EFEMP1: variants seen among roughly 807,000 people sequenced by gnomAD.
EFEMP1 encodes the protein EGF-like fibulin extracellular matrix protein 1, also known as EGF-containing fibulin-like extracellular matrix protein 1.
A neutral mutation model predicts 65.7 loss-of-function variants in EFEMP1; 18 were observed. The observed-to-expected ratio is 0.27, with a 90% confidence interval of 0.19 to 0.41. The LOEUF (loss-of-function observed/expected upper bound fraction) is 0.41. Among genes scored for constraint, EFEMP1 ranks in the 10% least tolerant of loss-of-function variants. The pLI is 1.00. For missense variants in EFEMP1, 469 were observed against 624.8 expected, an observed-to-expected ratio of 0.75 and a Z score of 2.66; for synonymous variants, 237 against 219.7, an observed-to-expected ratio of 1.08 and a Z score of -0.70.
At chr2:55,900,188 G>A (rs972990838) in intron 5 of EFEMP1, among the ~76,000 whole-genome samples, 9 of 152,124 alleles carry the variant, frequency 5.9e-5, no homozygotes, top group Non-Finnish European at 1.2e-4. Flanking sequence ...AATTTAGTGG[G>A]GCTACTTATG....
At chr2:55,895,074 T>A (rs1356909860) in intron 5 of EFEMP1, among the ~76,000 whole-genome samples, 1 of 152,230 alleles carries the variant, frequency 6.6e-6, no homozygotes, top group Non-Finnish European at 1.5e-5. Flanking sequence ...ACACTGCTTC[T>A]TGGGCAGCTT....
chr2:55,907,531 A>G (rs945060466), intron 5 of EFEMP1, among the ~76,000 whole-genome samples: 2 of 152,242 alleles, frequency 1.3e-5, no homozygotes, highest in South Asian at 2.1e-4. Flanking sequence ...TCATTCTGGT[A>G]TATTAGAAAA....
At chr2:55,891,691 T>C (rs964920471) in intron 5 of EFEMP1, among the ~76,000 whole-genome samples, 1 of 152,120 alleles carries the variant, frequency 6.6e-6, no homozygotes, top group Non-Finnish European at 1.5e-5. Context: ...TCCTTCTCTC[T>C]TCCTTGAGCA....
At chr2:55,894,318 C>T (rs1016235946) in intron 5 of EFEMP1, among the ~76,000 whole-genome samples, 11 of 152,052 alleles carry the variant, frequency 7.2e-5, no homozygotes, top group Admixed American at 3.9e-4. Context: ...ATTGTGGTCA[C>T]CATCTTTCAA....
intron 9 of EFEMP1, among the ~76,000 whole-genome samples, chr2:55,874,604 T>C (rs1668951396): frequency 6.6e-6 from 1 of 152,116 alleles, no homozygotes; most frequent in African/African-American, 2.4e-5. Flanking sequence ...ATATTGAGCT[T>C]ATGCTCTAAA....
chr2:55,882,626 T>C (rs529459885), intron 5 of EFEMP1, among the ~76,000 whole-genome samples: 20 of 152,280 alleles, frequency 1.3e-4, no homozygotes, highest in Middle Eastern at 3.4e-3. Context: ...ATCACTTTTA[T>C]ATTCATTCGG....
At position 55,923,758 on chromosome 2, in the gene EFEMP1, C is replaced by T. The variant is rs1671004680; in HGVS notation, c.-96G>A. On this transcript the variant is annotated 5_prime_UTR_variant, in exon 1 of 12. Coordinates refer to ENST00000355426, the MANE Select transcript of EFEMP1 (RefSeq NM_001039348.3). The surrounding 1 kb of genome is among the most constrained non-coding windows in gnomAD (Gnocchi z 5.3). ...GGGCCCGGGCAGCGAGGGGAGTGCG[C>T]AGGGGAGGGCAGCCCCGTGGGTCTG... 1.0e-6 allele frequency: 1 copy of T among 985,996 alleles called. No individual in the cohort carries two copies. The highest frequency in any genetic ancestry group is 1.2e-6 in the Non-Finnish European group (1 of 830,454). 61.1% of individuals were successfully genotyped at this position (985,996 alleles called of 1,614,324 possible).
chr2:55,882,157 T>C (rs1446469440), intron 5 of EFEMP1, among the ~76,000 whole-genome samples: 3 of 152,204 alleles, frequency 2.0e-5, no homozygotes, highest in African/African-American at 7.2e-5. Context: ...AAAATTTTAA[T>C]AGATTGTATG....
rs1017148131 is a variant in EFEMP1 at position 55,873,047 on chromosome 2, T to C, written c.1000+1899A>G. ...GTGTCTATGTGTATGTGTATTCTTT[T>C]GTCTCTCTGTCTCTCTCTCCACACA... On this transcript the variant is annotated intron_variant, in intron 9 of 11. Coordinates refer to ENST00000355426, the MANE Select transcript of EFEMP1 (RefSeq NM_001039348.3). The surrounding 1 kb of genome is among the most constrained non-coding windows in gnomAD (Gnocchi z 4.6). Among the ~76,000 whole-genome samples, 1 of 132,184 alleles carries C rather than the reference T, an allele frequency of 7.6e-6. No individual in the cohort carries two copies. The highest frequency in any genetic ancestry group is 2.9e-5 in the African/African-American group (1 of 34,408). The allele number at this position is 132,184 out of a possible 152,430, so 86.7% of individuals were successfully genotyped here. A position where few individuals can be genotyped will look rare whatever the true frequency, so the allele number is the denominator to read the frequency against.
Position 55,922,213 on chromosome 2 carries a change from C to T in EFEMP1, c.81+147G>A, listed in dbSNP as rs1225661857. On this transcript the variant is annotated intron_variant, in intron 3 of 11. Transcript: ENST00000355426. The surrounding 1 kb of genome is among the most constrained non-coding windows in gnomAD (Gnocchi z 5.5). ...ATCAAGGGGGCAATTTACAACGAAT[C>T]TTAGATATGAAGCATGAATGAAGTG... is the stretch of plus-strand genomic sequence containing the variant. The T allele has an allele frequency of 2.6e-6, 2 of 781,774 alleles. No individual in the cohort carries two copies. Among genetic ancestry groups the T allele is most frequent in the Non-Finnish European group, 2.2e-6 (1 of 460,380 alleles). 48.4% of individuals were successfully genotyped at this position (781,774 alleles called of 1,614,324 possible). A position where few individuals can be genotyped will look rare whatever the true frequency, so the allele number is the denominator to read the frequency against.
At chr2:55,908,689 A>G (rs1162337359) in intron 5 of EFEMP1, among the ~76,000 whole-genome samples, 1 of 152,182 alleles carries the variant, frequency 6.6e-6, no homozygotes, top group African/African-American at 2.4e-5. Context: ...ATTGCACCCC[A>G]TAAATATGTA....
rs560875655 is a variant in EFEMP1 at position 55,868,039 on chromosome 2, A to G, written c.1321-805T>C. Among the ~76,000 whole-genome samples, 5 of 152,200 alleles carry G rather than the reference A, an allele frequency of 3.3e-5. No individual in the cohort carries two copies. The South Asian group carries it at 8.3e-4, about 25-fold the overall frequency. On this transcript the variant is annotated intron_variant, in intron 11 of 11. Transcript: ENST00000355426. ...AATGCTTTGGTTAGGGCTACTTGTTATATACTCATGAGCAGCTTGCAACCC... is the reference window on the plus strand; with the variant it reads ...AATGCTTTGGTTAGGGCTACTTGTTGTATACTCATGAGCAGCTTGCAACCC...
chr2:55,901,675 G>C (rs979935291), intron 5 of EFEMP1, among the ~76,000 whole-genome samples: 2 of 152,174 alleles, frequency 1.3e-5, no homozygotes, highest in African/African-American at 2.4e-5. Context: ...AACTCAGGGA[G>C]AATTTTAATT....
intron 5 of EFEMP1, among the ~76,000 whole-genome samples, chr2:55,897,089 C>G (rs1011094701): frequency 6.6e-6 from 1 of 152,162 alleles, no homozygotes; most frequent in Non-Finnish European, 1.5e-5. Flanking sequence ...GTCACCTTCT[C>G]TAGGAAGTCA....
rs568577827 is a variant in EFEMP1 at position 55,875,178 on chromosome 2, A to G, written c.881-113T>C. 1.8e-3 allele frequency: 800 copies of G among 444,202 alleles called. 4 individuals carry two copies. Among genetic ancestry groups the G allele is most frequent in the African/African-American group, 0.017 (758 of 45,854 alleles). The allele number at this position is 444,202 out of a possible 1,614,324, so 27.5% of individuals were successfully genotyped here. A position where few individuals can be genotyped will look rare whatever the true frequency, so the allele number is the denominator to read the frequency against. ...ATATATAAATTATAAGATTTAAAAT[A>G]TCTATATTAAAATAATTATATATAA... is the stretch of plus-strand genomic sequence containing the variant. On this transcript the variant is annotated intron_variant, in intron 8 of 11. Transcript: ENST00000355426.
intron 5 of EFEMP1, among the ~76,000 whole-genome samples, chr2:55,914,768 C>T (rs949217869): frequency 6.6e-6 from 1 of 152,168 alleles, no homozygotes; most frequent in Non-Finnish European, 1.5e-5. Flanking sequence ...GATTACTGGG[C>T]ATAAATATGC....
rs147509691 is a variant in EFEMP1, at chr2:55,878,804, G to A, written c.641-939C>T. 5.3e-3 allele frequency among the ~76,000 whole-genome samples: 803 copies of A among 152,190 alleles called. 6 individuals carry two copies. Among genetic ancestry groups the A allele is most frequent in the African/African-American group, 0.019 (771 of 41,516 alleles). On this transcript the variant is annotated intron_variant, in intron 6 of 11. Coordinates refer to ENST00000355426, the MANE Select transcript of EFEMP1 (RefSeq NM_001039348.3). ...ATTACTAGCTTGGTCTTAACTTCTC[G>A]AGCTTGCATTTCCTCTTCTGTGAGT...
In EFEMP1 at chr2:55,870,810, G is replaced by A. The variant is rs1464136402; in HGVS notation, c.1230C>T (p.Ile410=). The A allele has an allele frequency of 6.2e-7, 1 of 1,613,784 alleles. No homozygotes were observed. Among genetic ancestry groups the A allele is most frequent in the African/African-American group, 1.3e-5 (1 of 74,920 alleles). The change falls in exon 11 of 12, where the codon ATC becomes ATT. Residue 410 remains isoleucine, a synonymous_variant. Transcript: ENST00000355426. The surrounding 1 kb of genome is among the most constrained non-coding windows in gnomAD (Gnocchi z 5.8). ...IRSDRSVPSD[I]FQIQATTIYA... ...AAATAGTTGTGGCCTGTATCTGGAAGATGTCTGATGGCACAGACCTATCAG... is the reference window on the plus strand; with the variant it reads ...AAATAGTTGTGGCCTGTATCTGGAAAATGTCTGATGGCACAGACCTATCAG...
At chr2:55,916,468 A>G (rs570807533) in intron 5 of EFEMP1, among the ~76,000 whole-genome samples, 1 of 152,362 alleles carries the variant, frequency 6.6e-6, no homozygotes, top group African/African-American at 2.4e-5. Context: ...AGATAAAACT[A>G]AACACGGGTG....
Sources: gnomAD v4.1 joint callset for allele counts (sites outside exome capture counted in the v4.1 genomes callset) on GRCh38, gnomAD v4.1.1 for gene constraint, Gnocchi (gnomAD v3.1) non-coding constraint, MANE v1.5 for transcripts, NCBI Gene and HGNC (gene_info 2026-07-23, HGNC 2026-07-21) for gene names.